Variants in ZNRF1 observed in about 807,000 individuals in gnomAD.
ZNRF1 encodes the protein E3 ubiquitin-protein ligase ZNRF1.
In ZNRF1, 3 loss-of-function variants were observed where a neutral mutation model predicts 18.4. The observed-to-expected ratio is 0.16, with a 90% CI of 0.07 to 0.42. ZNRF1 has a LOEUF of 0.42. ZNRF1 is among the 10% of genes least tolerant of loss of function. The pLI, the probability that ZNRF1 is intolerant of heterozygous loss-of-function variation, is 0.99. For missense variants in ZNRF1, 310 were observed against 329.8 expected (o/e 0.94, Z 0.47); for synonymous variants, 157 against 144.2 (o/e 1.09, Z -0.64).
At chr16:75,085,225 C>T (rs2036059550) in intron 1 of ZNRF1, among the ~76,000 whole-genome samples, 1 of 152,226 alleles carries the variant, frequency 6.6e-6, no homozygotes. Context: ...TGGAGACAAC[C>T]ACTGTTCTGA....
intron 2 of ZNRF1, among the ~76,000 whole-genome samples, chr16:75,101,392 A>G (rs1402224676): frequency 1.3e-5 from 2 of 152,202 alleles, no homozygotes; most frequent in East Asian, 1.9e-4. Flanking sequence ...CGTCTCTACT[A>G]AAAACACAAA....
At chr16:75,059,510 C>T (rs943851709) in intron 1 of ZNRF1, among the ~76,000 whole-genome samples, 2 of 152,024 alleles carry the variant, frequency 1.3e-5, no homozygotes, top group Non-Finnish European at 2.9e-5. Flanking sequence ...TCAGATAAAG[C>T]ATGAGAAATC....
chr16:75,086,025 A>C (rs1297698386), intron 1 of ZNRF1, among the ~76,000 whole-genome samples: 1 of 152,050 alleles, frequency 6.6e-6, no homozygotes, highest in African/African-American at 2.4e-5. Flanking sequence ...AGAGAAGACC[A>C]GTGTCCCAGC....
intron 1 of ZNRF1, among the ~76,000 whole-genome samples, chr16:75,050,882 A>AAC (rs2035589082): frequency 8.4e-6 from 1 of 119,348 alleles, no homozygotes; most frequent in Non-Finnish European, 1.7e-5. Context: ...AAAAAAAAAA[A>AAC]AAAAAACAAA....
chr16:75,033,189 T>A (rs918660771), intron 1 of ZNRF1, among the ~76,000 whole-genome samples: 17 of 151,900 alleles, frequency 1.1e-4, no homozygotes, highest in African/African-American at 3.4e-4. Context: ...ATTCTTTTTT[T>A]AAATTCTTAT....
At chr16:75,103,884 C>G (rs1479191262) in intron 2 of ZNRF1, among the ~76,000 whole-genome samples, 1 of 152,012 alleles carries the variant, frequency 6.6e-6, no homozygotes, top group African/African-American at 2.4e-5. Context: ...ACTCGGGAGG[C>G]TGAGACAGGA....
chr16:75,102,798 C>G (rs995639383), intron 2 of ZNRF1, among the ~76,000 whole-genome samples: 1 of 152,180 alleles, frequency 6.6e-6, no homozygotes, highest in Non-Finnish European at 1.5e-5. Context: ...GAATCCGTCC[C>G]TTCCTTCTCA....
At position 75,062,290 on chromosome 16, in the gene ZNRF1, G is replaced by A. The variant is rs145326757; in HGVS notation, c.425-31282G>A. Among the ~76,000 whole-genome samples the A allele has an allele frequency of 7.2e-5, 11 of 152,332 alleles. No homozygotes were observed. The East Asian group carries it at 1.2e-3, about 16-fold the overall frequency. On this transcript the variant is annotated intron_variant, in intron 1 of 4. Coordinates refer to ENST00000335325, the MANE Select transcript of ZNRF1 (RefSeq NM_032268.5). ...AGCGTGGAGCACAGCCCCGGGAGACGAAGGCAGCAGAGGCCCGTGACCATC... is the reference window on the plus strand; with the variant it reads ...AGCGTGGAGCACAGCCCCGGGAGACAAAGGCAGCAGAGGCCCGTGACCATC...
intron 1 of ZNRF1, among the ~76,000 whole-genome samples, chr16:75,060,262 C>T (rs1182275961): frequency 2.0e-5 from 3 of 151,958 alleles, no homozygotes; most frequent in Non-Finnish European, 2.9e-5. Context: ...CCATATTGAC[C>T]AAGCTGGTCT....
At chr16:75,016,681 G>A (rs939214684) in intron 1 of ZNRF1, among the ~76,000 whole-genome samples, 9 of 146,910 alleles carry the variant, frequency 6.1e-5, no homozygotes, top group South Asian at 2.2e-4. Context: ...GACTACAGGC[G>A]TCTGTCACCA....
chr16:75,071,098 C>CTTTTTT (rs56690008), intron 1 of ZNRF1, among the ~76,000 whole-genome samples: 1 of 143,468 alleles, frequency 7.0e-6, no homozygotes, highest in African/African-American at 2.6e-5. Context: ...GCACAGGTGT[C>CTTTTTT]TTTTTTTTTT....
At chr16:75,070,965 C>G (rs955288078) in intron 1 of ZNRF1, among the ~76,000 whole-genome samples, 2 of 152,192 alleles carry the variant, frequency 1.3e-5, no homozygotes, top group Non-Finnish European at 2.9e-5. Flanking sequence ...CAAACTCGAT[C>G]ACCTACAACA....
At chr16:75,016,825 G>A (rs142942084) in intron 1 of ZNRF1, among the ~76,000 whole-genome samples, 1,186 of 64,912 alleles carry the variant, frequency 0.018, 9 homozygotes, top group Non-Finnish European at 0.044. Context: ...GATTACAGGC[G>A]TGAGCCACCG....
At chr16:75,071,322 A>G (rs143002085) in intron 1 of ZNRF1, among the ~76,000 whole-genome samples, 2,042 of 151,944 alleles carry the variant, frequency 0.013, 17 homozygotes, top group Middle Eastern at 0.034. Context: ...CTGGTCTCGA[A>G]CTCCTGACCT....
chr16:75,006,458 CAG>C (rs2034918612), intron 1 of ZNRF1, among the ~76,000 whole-genome samples: 1 of 152,224 alleles, frequency 6.6e-6, no homozygotes, highest in South Asian at 2.1e-4. Context: ...TTTATTGAGA[CAG>C]AGTCTCACTC....
intron 1 of ZNRF1, among the ~76,000 whole-genome samples, chr16:75,055,326 A>G (rs1333463093): frequency 6.6e-6 from 1 of 152,156 alleles, no homozygotes; most frequent in African/African-American, 2.4e-5. Context: ...CAGGCTTACT[A>G]GAATTTAGAA....
In ZNRF1 at chr16:75,040,950, A is replaced by C. The variant is rs540606205; in HGVS notation, c.424+40855A>C. On this transcript the variant is annotated intron_variant, in intron 1 of 4. Coordinates refer to ENST00000335325, the MANE Select transcript of ZNRF1 (RefSeq NM_032268.5). ...AGTTCATATGTGTTGAGTATGTATC[A>C]GTAGTTTGTGCTGACATCGGTAGTT... Among the ~76,000 whole-genome samples, 6 of 152,248 alleles carry C rather than the reference A, an allele frequency of 3.9e-5. No individual in the cohort carries two copies. In the East Asian group the frequency reaches 9.6e-4, roughly 24 times the overall value.
intron 1 of ZNRF1, among the ~76,000 whole-genome samples, chr16:75,066,112 A>G (rs1344148310): frequency 2.0e-5 from 3 of 152,216 alleles, no homozygotes; most frequent in African/African-American, 7.2e-5. Flanking sequence ...AAGGGTAGAG[A>G]CAAGAGTTTG....
At position 75,109,633 on chromosome 16, in the gene ZNRF1, C is replaced by T. The variant is rs1202775970; in HGVS notation, c.*1933C>T. 4.6e-5 allele frequency: 7 copies of T among 152,516 alleles called. No homozygotes were observed. Among genetic ancestry groups the T allele is most frequent in the East Asian group, 1.9e-4 (1 of 5,200 alleles). The allele number at this position is 152,516 out of a possible 1,614,324, so 9.4% of individuals were successfully genotyped here. A position where few individuals can be genotyped will look rare whatever the true frequency, so the allele number is the denominator to read the frequency against. On this transcript the variant is annotated 3_prime_UTR_variant, in exon 5 of 5. Transcript: ENST00000335325. Reference sequence around the variant, plus strand: ...TGAAGACCTTGGGGCTGTTGTGAGTCGGTGGCAGGAACGTGGGCTCTAGAC... The same window carrying T: ...TGAAGACCTTGGGGCTGTTGTGAGTTGGTGGCAGGAACGTGGGCTCTAGAC...
Sources: gnomAD v4.1 joint callset for allele counts (sites outside exome capture counted in the v4.1 genomes callset) on GRCh38, gnomAD v4.1.1 for gene constraint, MANE v1.5 for transcripts, NCBI Gene and HGNC (gene_info 2026-07-23, HGNC 2026-07-21) for gene names.